Variants in CACNB4 observed in about 807,000 individuals in gnomAD.
CACNB4 encodes voltage-dependent L-type calcium channel subunit beta-4.
Under a neutral mutation model 71.2 loss-of-function variants are expected in CACNB4, and 32 were observed. That is an observed-to-expected ratio of 0.45 (90% CI 0.34 to 0.60). The LOEUF (loss-of-function observed/expected upper bound fraction) is 0.60, where lower values mean the gene tolerates loss of function less well. CACNB4 is among the 20% of genes least tolerant of loss of function. CACNB4 has a pLI of 0.01. For synonymous variants in CACNB4, 231 were observed against 236.9 expected, an observed-to-expected ratio of 0.97 and a Z score of 0.23; for missense variants, 464 against 647.9, an observed-to-expected ratio of 0.72 and a Z score of 3.08.
At chr2:151,882,962 G>T (rs141913356) in intron 3 of CACNB4, 9 of 407,500 alleles carry the variant, frequency 2.2e-5, no homozygotes, top group Non-Finnish European at 4.2e-5. Context: ...GGTGCCTGGG[G>T]GGCTGTCTGC....
intron 12 of CACNB4, among the ~76,000 whole-genome samples, chr2:151,845,587 T>A (rs1251417974): frequency 1.3e-5 from 2 of 152,252 alleles, no homozygotes; most frequent in Admixed American, 1.3e-4. Flanking sequence ...TCAAGTGTAG[T>A]CAGCTCCTTA....
Position 152,098,798 on chromosome 2 carries a change from G to T in CACNB4, c.63+151C>A. 9.1e-7 allele frequency: 1 copy of T among 1,099,252 alleles called. No individual in the cohort carries two copies. Among genetic ancestry groups the T allele is most frequent in the Non-Finnish European group, 1.3e-6 (1 of 768,420 alleles). The allele number at this position is 1,099,252 out of a possible 1,614,324, so 68.1% of individuals were successfully genotyped here. On this transcript the variant is annotated intron_variant, in intron 1 of 13. Transcript: ENST00000539935. This position sits in a 1 kb window ranked among gnomAD's most constrained non-coding sequence, Gnocchi z 5.3. ...AAAGAGGAGGAGCGGGAGGAGAAAGGGACGTGGAGGAGGGGTGGGGGGAGC... is the reference window on the plus strand; with the variant it reads ...AAAGAGGAGGAGCGGGAGGAGAAAGTGACGTGGAGGAGGGGTGGGGGGAGC...
chr2:151,946,956 G>A (rs779766099), intron 2 of CACNB4, among the ~76,000 whole-genome samples: 1 of 152,132 alleles, frequency 6.6e-6, no homozygotes, highest in Non-Finnish European at 1.5e-5. Context: ...AAATTCTGGT[G>A]TCCTGTGCCA....
At position 151,939,667 on chromosome 2, in the gene CACNB4, C is replaced by A. The variant is rs142188430; in HGVS notation, c.148-56297G>T. ...GGAATGAGCCCACCAAAGTGACTAC[C>A]CATGACCCAACAATTTGCTGAGTGC... On this transcript the variant is annotated intron_variant, in intron 2 of 13. Transcript: ENST00000539935. 3.5e-3 allele frequency among the ~76,000 whole-genome samples: 530 copies of A among 152,274 alleles called. 5 individuals carry two copies. Among genetic ancestry groups the A allele is most frequent in the African/African-American group, 0.012 (509 of 41,570 alleles).
chr2:151,885,955 A>C (rs1016830541), intron 2 of CACNB4, among the ~76,000 whole-genome samples: 6 of 152,106 alleles, frequency 3.9e-5, no homozygotes, highest in African/African-American at 9.7e-5. Context: ...AGAAAAAAAA[A>C]CACAATGTTT....
intron 2 of CACNB4, among the ~76,000 whole-genome samples, chr2:151,942,048 A>ATAAACGGCCGCTCTAGGAATGTCTG (rs2099864401): frequency 9.3e-5 from 14 of 150,088 alleles, no homozygotes; most frequent in African/African-American, 3.3e-4. Flanking sequence ...AAGAAATGCT[A>ATAAACGGCCGCTCTAGGAATGTCTG]TCTAGAACTC....
intron 2 of CACNB4, among the ~76,000 whole-genome samples, chr2:151,960,920 A>G (rs758878758): frequency 3.3e-5 from 5 of 152,230 alleles, no homozygotes; most frequent in African/African-American, 4.8e-5. Flanking sequence ...ATGTAGATCA[A>G]TGGATTTTCA....
At chr2:152,082,233 C>T (rs1687396622) in intron 2 of CACNB4, among the ~76,000 whole-genome samples, 1 of 152,218 alleles carries the variant, frequency 6.6e-6, no homozygotes, top group Non-Finnish European at 1.5e-5. Context: ...TAAATTCCAG[C>T]TCTATCCCAA....
intron 2 of CACNB4, among the ~76,000 whole-genome samples, chr2:152,031,420 G>A (rs1684278040): frequency 6.6e-6 from 1 of 152,210 alleles, no homozygotes; most frequent in East Asian, 1.9e-4. Context: ...CTGGAAACAT[G>A]GGACTCTGAG....
At chr2:151,921,138 AAAATAAATAAATAAATAAAT>A (rs70974809) in intron 2 of CACNB4, among the ~76,000 whole-genome samples, 60 of 137,606 alleles carry the variant, frequency 4.4e-4, no homozygotes, top group African/African-American at 1.2e-3. Flanking sequence ...CTCCGTCTCA[AAAATAAATAAATAAATAAAT>A]AAATAAATAA....
chr2:151,961,836 G>A (rs1263274930), intron 2 of CACNB4, among the ~76,000 whole-genome samples: 1 of 152,152 alleles, frequency 6.6e-6, no homozygotes, highest in Non-Finnish European at 1.5e-5. Flanking sequence ...AGGCTGCAGT[G>A]AGCCATGATT....
intron 2 of CACNB4, among the ~76,000 whole-genome samples, chr2:152,028,314 C>G (rs1684089622): frequency 6.6e-6 from 1 of 152,094 alleles, no homozygotes; most frequent in Non-Finnish European, 1.5e-5. Context: ...TTTAAATTAC[C>G]TAAAATATGG....
intron 2 of CACNB4, among the ~76,000 whole-genome samples, chr2:151,964,448 C>T (rs2099870527): frequency 1.3e-5 from 2 of 152,110 alleles, no homozygotes; most frequent in South Asian, 4.1e-4. Flanking sequence ...AGGATGTCAT[C>T]AAGGAAGACT....
At chr2:151,987,817 T>A (rs1029950711) in intron 2 of CACNB4, among the ~76,000 whole-genome samples, 7 of 152,180 alleles carry the variant, frequency 4.6e-5, no homozygotes, top group African/African-American at 1.7e-4. Context: ...ACCCACCAAT[T>A]TAAATGTCTT....
intron 2 of CACNB4, among the ~76,000 whole-genome samples, chr2:152,010,730 C>T (rs541773832): frequency 1.4e-4 from 21 of 152,314 alleles, no homozygotes; most frequent in Non-Finnish European, 2.5e-4. Flanking sequence ...AAAGCCTGGG[C>T]CCCTTCCATG....
intron 2 of CACNB4, among the ~76,000 whole-genome samples, chr2:152,012,167 G>C (rs1162413622): frequency 6.6e-6 from 1 of 151,796 alleles, no homozygotes; most frequent in Non-Finnish European, 1.5e-5. Context: ...CCAGAAGAAG[G>C]CATCATTGTC....
chr2:151,946,287 C>T (rs1246742698), intron 2 of CACNB4, among the ~76,000 whole-genome samples: 1 of 151,706 alleles, frequency 6.6e-6, no homozygotes, highest in East Asian at 1.9e-4. Context: ...CAAGATTGCG[C>T]CATTGCACTC....
At chr2:151,877,369 T>C (rs547742114) in intron 4 of CACNB4, among the ~76,000 whole-genome samples, 76 of 152,280 alleles carry the variant, frequency 5.0e-4, no homozygotes, top group African/African-American at 1.8e-3. Flanking sequence ...ACTGGACCTG[T>C]GGGCTATAGT....
At chr2:152,008,474 A>G (rs1025051106) in intron 2 of CACNB4, among the ~76,000 whole-genome samples, 1 of 152,014 alleles carries the variant, frequency 6.6e-6, no homozygotes, top group South Asian at 2.1e-4. Flanking sequence ...TTTAGTAGAG[A>G]CAGGGTTTCA....
Sources: allele counts gnomAD v4.1 joint callset (sites outside exome capture counted in the v4.1 genomes callset), GRCh38; gene constraint gnomAD v4.1.1; non-coding constraint Gnocchi (gnomAD v3.1); transcripts MANE v1.5; gene names NCBI Gene and HGNC (gene_info 2026-07-23, HGNC 2026-07-21).